COL8A1: variants seen among roughly 807,000 people sequenced by gnomAD.
COL8A1 encodes the protein collagen alpha-1(VIII) chain.
In COL8A1, 21 loss-of-function variants were observed where a neutral mutation model predicts 42.7. The observed-to-expected ratio is 0.49, with a 90% CI of 0.35 to 0.71. The LOEUF is 0.71. Among genes scored for constraint, COL8A1 ranks in the 30% least tolerant of loss-of-function variants. COL8A1 has a pLI of 0.01. For synonymous variants in COL8A1, 367 were observed against 369.1 expected (o/e 0.99, Z 0.06); for missense variants, 788 against 962.4 (o/e 0.82, Z 2.40).
At chr3:99,670,327 C>T (rs1000248821) in intron 1 of COL8A1, among the ~76,000 whole-genome samples, 2 of 152,020 alleles carry the variant, frequency 1.3e-5, no homozygotes, top group African/African-American at 4.8e-5. Flanking sequence ...TACACATTCA[C>T]GATTCTTCCA....
At chr3:99,769,106 T>A (rs1488980884) in intron 2 of COL8A1, among the ~76,000 whole-genome samples, 2 of 152,224 alleles carry the variant, frequency 1.3e-5, no homozygotes, top group African/African-American at 4.8e-5. Flanking sequence ...ATATCAGGTA[T>A]GTAAAATTGT....
At chr3:99,645,615 C>G (rs909150271) in intron 1 of COL8A1, among the ~76,000 whole-genome samples, 1 of 151,192 alleles carries the variant, frequency 6.6e-6, no homozygotes, top group African/African-American at 2.4e-5. Context: ...TTTTTCGGAT[C>G]GAAGGCAGAG....
intron 2 of COL8A1, among the ~76,000 whole-genome samples, chr3:99,767,366 A>C (rs989645399): frequency 2.0e-5 from 3 of 152,224 alleles, no homozygotes; most frequent in African/African-American, 7.2e-5. Flanking sequence ...AAAAGAGCTA[A>C]GGAAATGTAG....
At chr3:99,692,166 C>T (rs1939239899) in intron 1 of COL8A1, among the ~76,000 whole-genome samples, 2 of 152,078 alleles carry the variant, frequency 1.3e-5, no homozygotes, top group African/African-American at 4.8e-5. Flanking sequence ...ACCACCACCA[C>T]CAAGTGTAAT....
chr3:99,653,060 T>C (rs1447708854), intron 1 of COL8A1, among the ~76,000 whole-genome samples: 2 of 152,174 alleles, frequency 1.3e-5, no homozygotes, highest in Non-Finnish European at 2.9e-5. Context: ...AAAATAAACT[T>C]ACCTCTCAGG....
chr3:99,791,467 C>A (rs1232603741), intron 3 of COL8A1, among the ~76,000 whole-genome samples: 1 of 152,198 alleles, frequency 6.6e-6, no homozygotes, highest in Non-Finnish European at 1.5e-5. Context: ...ATTTTGCGAA[C>A]TAAGTATTAG....
rs1367801207 is a variant in COL8A1 at position 99,714,873 on chromosome 3, G to T, written c.-128-30024G>T. On this transcript the variant is annotated intron_variant, in intron 1 of 3. Transcript: ENST00000652472. ...GGGAGAAGGAACCACTTTACATAGG[G>T]AAAGCCCCTCTGAGGAAATAACACT... is the stretch of plus-strand genomic sequence containing the variant. Among the ~76,000 whole-genome samples the T allele has an allele frequency of 7.2e-5, 11 of 152,210 alleles. No homozygotes were observed. The East Asian group carries it at 2.1e-3, about 29-fold the overall frequency.
At chr3:99,700,968 C>T (rs568884307) in intron 1 of COL8A1, among the ~76,000 whole-genome samples, 1 of 152,254 alleles carries the variant, frequency 6.6e-6, no homozygotes, top group South Asian at 2.1e-4. Context: ...CTCACTCTTA[C>T]CCCCGTAGCT....
chr3:99,639,179 A>G (rs1559764686), intron 1 of COL8A1, among the ~76,000 whole-genome samples: 1 of 152,208 alleles, frequency 6.6e-6, no homozygotes, highest in Non-Finnish European at 1.5e-5. Context: ...TTGGAAAAAA[A>G]TGATGTGAAC....
At chr3:99,694,763 T>G (rs1030671367) in intron 1 of COL8A1, among the ~76,000 whole-genome samples, 1 of 152,348 alleles carries the variant, frequency 6.6e-6, no homozygotes, top group African/African-American at 2.4e-5. Flanking sequence ...AGGGCTTTAT[T>G]GATAGATCAG....
intron 2 of COL8A1, among the ~76,000 whole-genome samples, chr3:99,750,049 C>CTTTTTTTTTTTTTTTTTTTTTTTTTTTTT (rs1176042144): frequency 1.5e-5 from 1 of 65,968 alleles, no homozygotes; most frequent in Admixed American, 2.5e-4. Flanking sequence ...TTTTTTTCTT[C>CTTTTTTTTTTTTTTTTTTTTTTTTTTTTT]TTTTTTTTTT....
At chr3:99,767,404 A>G (rs1013671906) in intron 2 of COL8A1, among the ~76,000 whole-genome samples, 2 of 152,240 alleles carry the variant, frequency 1.3e-5, no homozygotes, top group African/African-American at 4.8e-5. Flanking sequence ...CAATGTTTTT[A>G]AAACCTCATA....
intron 1 of COL8A1, among the ~76,000 whole-genome samples, chr3:99,717,992 G>A (rs561269422): frequency 2.0e-5 from 3 of 151,984 alleles, no homozygotes; most frequent in African/African-American, 2.4e-5. Flanking sequence ...TCTCACAAAC[G>A]TCCATTCCAT....
At chr3:99,750,494 G>T (rs1941123192) in intron 2 of COL8A1, among the ~76,000 whole-genome samples, 1 of 151,982 alleles carries the variant, frequency 6.6e-6, no homozygotes, top group Non-Finnish European at 1.5e-5. Context: ...AACATATATT[G>T]CTTTTATAAT....
intron 1 of COL8A1, among the ~76,000 whole-genome samples, chr3:99,694,001 A>T (rs913648378): frequency 6.6e-6 from 1 of 152,248 alleles, no homozygotes; most frequent in Non-Finnish European, 1.5e-5. Flanking sequence ...AGTATTCAGC[A>T]CAGAAACTTG....
At chr3:99,773,368 G>A (rs1162257792) in intron 2 of COL8A1, among the ~76,000 whole-genome samples, 2 of 152,050 alleles carry the variant, frequency 1.3e-5, no homozygotes, top group Non-Finnish European at 2.9e-5. Flanking sequence ...GCAGCCAAGA[G>A]TGAGCCAAAC....
chr3:99,717,043 A>G (rs1940019222), intron 1 of COL8A1, among the ~76,000 whole-genome samples: 1 of 151,998 alleles, frequency 6.6e-6, no homozygotes, highest in Admixed American at 6.6e-5. Context: ...CATGGAGACA[A>G]TGCTTCCTAT....
intron 1 of COL8A1, among the ~76,000 whole-genome samples, chr3:99,737,953 C>T (rs1401428329): frequency 6.6e-6 from 1 of 151,398 alleles, no homozygotes; most frequent in Non-Finnish European, 1.5e-5. Flanking sequence ...CTAAACTTCC[C>T]TTCTCGCTTC....
At chr3:99,639,429 A>G (rs1484642402) in intron 1 of COL8A1, among the ~76,000 whole-genome samples, 1 of 152,264 alleles carries the variant, frequency 6.6e-6, no homozygotes, top group Non-Finnish European at 1.5e-5. Context: ...AATACAGGCC[A>G]GATTATACAA....
Sources: allele counts gnomAD v4.1 joint callset (sites outside exome capture counted in the v4.1 genomes callset), GRCh38; gene constraint gnomAD v4.1.1; transcripts MANE v1.5; gene names NCBI Gene and HGNC (gene_info 2026-07-23, HGNC 2026-07-21).